The following PLCL2 variants were observed in gnomAD, a reference collection of about 807,000 sequenced individuals.
PLCL2 encodes phospholipase C like 2.
PLCL2 carries 4 observed loss-of-function variants against 79.6 expected under a neutral mutation model. The ratio of observed to expected loss-of-function variants is 0.05; its 90% confidence interval spans 0.02 to 0.11. The LOEUF is 0.11. Ranked by LOEUF, PLCL2 falls within the 10% of genes least tolerant of loss-of-function variation. The probability of loss-of-function intolerance (pLI) is 1.00; values close to 1 mark genes in which losing one functional copy is unlikely to be tolerated. For synonymous variants in PLCL2, 484 were observed against 457.7 expected, an observed-to-expected ratio of 1.06 and a Z score of -0.73; for missense variants, 895 against 1,291.0, an observed-to-expected ratio of 0.69 and a Z score of 4.70.
intron 1 of PLCL2, among the ~76,000 whole-genome samples, chr3:16,888,615 C>A (rs574379977): frequency 3.9e-5 from 6 of 152,184 alleles, no homozygotes; most frequent in African/African-American, 1.4e-4. Flanking sequence ...TTCCATAATT[C>A]ATTTCATCAC....
At chr3:17,061,303 A>AT (rs967588028) in intron 4 of PLCL2, among the ~76,000 whole-genome samples, 3 of 152,002 alleles carry the variant, frequency 2.0e-5, no homozygotes, top group Non-Finnish European at 2.9e-5. Flanking sequence ...TCCTATTTTT[A>AT]TTTTTAGGGC....
chr3:16,977,374 A>T (rs2124983927), intron 1 of PLCL2, among the ~76,000 whole-genome samples: 1 of 152,196 alleles, frequency 6.6e-6, no homozygotes, highest in South Asian at 2.1e-4. Flanking sequence ...AACTCAGACC[A>T]CACCACACTA....
At chr3:17,083,344 C>T (rs781462180) in intron 5 of PLCL2, among the ~76,000 whole-genome samples, 2 of 152,086 alleles carry the variant, frequency 1.3e-5, no homozygotes, top group Non-Finnish European at 2.9e-5. Flanking sequence ...ACAATGAGTG[C>T]ATAGACATTG....
chr3:16,930,372 G>T (rs1697363653), intron 1 of PLCL2, among the ~76,000 whole-genome samples: 1 of 152,146 alleles, frequency 6.6e-6, no homozygotes. Context: ...CTCAAATACT[G>T]CAGGGAAGAA....
At chr3:16,944,593 T>C (rs2063583281) in intron 1 of PLCL2, among the ~76,000 whole-genome samples, 1 of 152,116 alleles carries the variant, frequency 6.6e-6, no homozygotes, top group Non-Finnish European at 1.5e-5. Context: ...AAACAGACCA[T>C]GTGAAGACAC....
chr3:16,960,323 C>G (rs1248609601), intron 1 of PLCL2, among the ~76,000 whole-genome samples: 1 of 152,206 alleles, frequency 6.6e-6, no homozygotes, highest in African/African-American at 2.4e-5. Context: ...CCACACTGGT[C>G]CATCTTACCT....
At chr3:17,081,149 T>C (rs1016573456) in intron 5 of PLCL2, 6 of 456,508 alleles carry the variant, frequency 1.3e-5, no homozygotes, top group Non-Finnish European at 2.2e-5. Context: ...AGTGAAGGTA[T>C]CTAAATTCTG....
chr3:16,897,679 G>C (rs1175393564), intron 1 of PLCL2, among the ~76,000 whole-genome samples: 1 of 152,346 alleles, frequency 6.6e-6, no homozygotes, highest in African/African-American at 2.4e-5. Context: ...GAACCATCTG[G>C]TGATGCTCCA....
chr3:16,947,744 A>G (rs1193965231), intron 1 of PLCL2, among the ~76,000 whole-genome samples: 2 of 152,232 alleles, frequency 1.3e-5, no homozygotes, highest in Non-Finnish European at 2.9e-5. Flanking sequence ...ACCACTTTCC[A>G]GAAAGCCCTT....
intron 4 of PLCL2, among the ~76,000 whole-genome samples, chr3:17,048,485 A>C (rs543048936): frequency 6.6e-6 from 1 of 152,234 alleles, no homozygotes; most frequent in African/African-American, 2.4e-5. Flanking sequence ...GCCATAAAAT[A>C]TGCACAAATC....
intron 3 of PLCL2, among the ~76,000 whole-genome samples, chr3:17,022,803 A>C (rs2064470365): frequency 6.6e-6 from 1 of 152,210 alleles, no homozygotes; most frequent in South Asian, 2.1e-4. Flanking sequence ...CTTCATACTC[A>C]TCCCAGGTGA....
rs548878652 is a variant in PLCL2 at position 16,980,981 on chromosome 3, C to T, written c.328-28693C>T. Reference sequence around the variant, plus strand: ...AAACCTCGTCTCCACCAAAAAAATACGAAAACCAGTCAAGCGTGGTGGCGC... The same window carrying T: ...AAACCTCGTCTCCACCAAAAAAATATGAAAACCAGTCAAGCGTGGTGGCGC... On this transcript the variant is annotated intron_variant, in intron 1 of 5. Transcript: ENST00000615277. 3.3e-4 allele frequency among the ~76,000 whole-genome samples: 50 copies of T among 152,348 alleles called. No individual in the cohort carries two copies. The East Asian group carries it at 7.1e-3, about 22-fold the overall frequency.
chr3:16,963,904 G>C (rs1363263236), intron 1 of PLCL2, among the ~76,000 whole-genome samples: 1 of 151,928 alleles, frequency 6.6e-6, no homozygotes, highest in Non-Finnish European at 1.5e-5. Context: ...GAAATGTGTT[G>C]GTTTACTTTC....
chr3:16,955,309 C>T (rs150879870), intron 1 of PLCL2, among the ~76,000 whole-genome samples: 1 of 152,050 alleles, frequency 6.6e-6, no homozygotes, highest in Admixed American at 6.6e-5. Context: ...TCTTGTTTTT[C>T]TCAGGTTTGT....
At chr3:17,006,362 TC>T (rs1285291325) in intron 1 of PLCL2, among the ~76,000 whole-genome samples, 1 of 152,234 alleles carries the variant, frequency 6.6e-6, no homozygotes, top group South Asian at 2.1e-4. Context: ...GCTTCTGTCC[TC>T]CCCTTCCTTT....
At chr3:16,952,698 A>AT (rs2063665794) in intron 1 of PLCL2, among the ~76,000 whole-genome samples, 1 of 152,158 alleles carries the variant, frequency 6.6e-6, no homozygotes, top group Admixed American at 6.5e-5. Flanking sequence ...ATAAAAGGTT[A>AT]TTTTTGAATT....
In PLCL2 at chr3:16,971,144, A is replaced by G. The variant is rs879766387; in HGVS notation, c.328-38530A>G. On this transcript the variant is annotated intron_variant, in intron 1 of 5. Coordinates refer to ENST00000615277, the MANE Select transcript of PLCL2 (RefSeq NM_001144382.2). The stretch of plus-strand genomic sequence containing the variant: ...AGACATGAAGTCCTTGCCCATGCCT[A>G]TGTCCTGAATGGTAATGCCTAGGTT... Among the ~76,000 whole-genome samples the G allele has an allele frequency of 2.2e-3, 338 of 151,424 alleles. 1 individual carries two copies. The highest frequency in any genetic ancestry group is 3.8e-3 in the Non-Finnish European group (261 of 67,806).
intron 4 of PLCL2, among the ~76,000 whole-genome samples, chr3:17,061,241 T>C (rs2124937634): frequency 6.6e-6 from 1 of 152,344 alleles, no homozygotes; most frequent in Non-Finnish European, 1.5e-5. Context: ...GACTTGGCCC[T>C]CACTTCCTTT....
intron 3 of PLCL2, among the ~76,000 whole-genome samples, chr3:17,021,630 ACC>A (rs1553645068): frequency 2.2e-5 from 3 of 137,906 alleles, no homozygotes; most frequent in African/African-American, 8.8e-5. Context: ...ACACACACAC[ACC>A]CCAGATACTA....
Sources: allele counts gnomAD v4.1 joint callset (sites outside exome capture counted in the v4.1 genomes callset), GRCh38; gene constraint gnomAD v4.1.1; transcripts MANE v1.5; gene names NCBI Gene and HGNC (gene_info 2026-07-23, HGNC 2026-07-21).